Variants in FAP observed in about 807,000 individuals in gnomAD.
The protein encoded by FAP is prolyl endopeptidase FAP.
A neutral mutation model predicts 126.5 loss-of-function variants in FAP; 110 were observed. The observed-to-expected ratio is 0.87, with a 90% CI of 0.74 to 1.02. The LOEUF (loss-of-function observed/expected upper bound fraction) is 1.02. Among genes scored for constraint, FAP ranks in the 50% least tolerant of loss-of-function variants. FAP has a pLI of 0.00. For missense variants in FAP, 919 were observed against 909.2 expected (o/e 1.01, Z -0.14); for synonymous variants, 334 against 297.3 (o/e 1.12, Z -1.27).
At chr2:162,199,354 A>G (rs1688399196) in intron 15 of FAP, among the ~76,000 whole-genome samples, 2 of 152,198 alleles carry the variant, frequency 1.3e-5, no homozygotes, top group South Asian at 4.1e-4. Context: ...TGGAAATAAG[A>G]AATTACAGTT....
intron 9 of FAP, among the ~76,000 whole-genome samples, chr2:162,216,502 TA>T (rs927835032): frequency 6.6e-6 from 1 of 152,212 alleles, no homozygotes; most frequent in Non-Finnish European, 1.5e-5. Context: ...CTTGCATTAT[TA>T]CTGCCACCAT....
chr2:162,220,954 T>C (rs1689363474), intron 6 of FAP, among the ~76,000 whole-genome samples: 1 of 152,154 alleles, frequency 6.6e-6, no homozygotes, highest in South Asian at 2.1e-4. Flanking sequence ...AAAAAAGCTC[T>C]CCAACCTGGA....
intron 15 of FAP, 36 bp downstream of exon 15, chr2:162,200,530 C>T (rs1324785235): frequency 5.1e-6 from 6 of 1,184,578 alleles, no homozygotes; most frequent in Middle Eastern, 2.0e-4. Context: ...AAAATATCAA[C>T]ACATAGAAAT....
chr2:162,174,254 T>C, intron 22 of FAP, among the ~76,000 whole-genome samples: 1 of 152,122 alleles, frequency 6.6e-6, no homozygotes, highest in East Asian at 1.9e-4. Context: ...TTTTTCTTAA[T>C]CAAGATCCCC....
Position 162,242,956 on chromosome 2 carries a change from C to T in FAP, c.43G>A (p.Ala15Thr). ...VKIVFGVATS[A>T]VLALLVMCIV... ...CACATCACCAATAAGGCAAGCACAG[C>T]AGAGGTGGCAACTCCAAATACGATT... The change falls in exon 2 of 26, where the codon GCT becomes ACT. Residue 15 changes from alanine to threonine, a missense_variant. Coordinates refer to ENST00000188790, the MANE Select transcript of FAP (RefSeq NM_004460.5). 6.2e-7 allele frequency: 1 copy of T among 1,613,102 alleles called. No homozygotes were observed. The highest frequency in any genetic ancestry group is 8.5e-7 in the Non-Finnish European group (1 of 1,179,392).
chr2:162,183,931 G>T (rs955412694), intron 20 of FAP, among the ~76,000 whole-genome samples: 3 of 152,078 alleles, frequency 2.0e-5, no homozygotes, highest in African/African-American at 7.2e-5. Flanking sequence ...AGAGACATTT[G>T]AGAGAAATAT....
chr2:162,177,038 A>G (rs1687510183), intron 21 of FAP, among the ~76,000 whole-genome samples: 1 of 152,046 alleles, frequency 6.6e-6, no homozygotes, highest in Admixed American at 6.6e-5. Context: ...TATTGTAGAA[A>G]TGAAGAGGGG....
intron 17 of FAP, among the ~76,000 whole-genome samples, 162 bp from the exon 18 acceptor site, chr2:162,189,916 A>G (rs1156873008): frequency 3.3e-5 from 5 of 152,028 alleles, no homozygotes; most frequent in Non-Finnish European, 1.5e-5. Flanking sequence ...TCCAGCCTTT[A>G]GAGCAGATAT....
intron 20 of FAP, 108 bp from the exon 21 acceptor site, chr2:162,183,576 C>A: frequency 1.4e-6 from 1 of 706,536 alleles, no homozygotes; most frequent in Non-Finnish European, 2.5e-6. Context: ...GCTACATTTT[C>A]TTTGTTTAAA....
chr2:162,170,887 A>G lies in FAP; in HGVS notation c.*92T>C, dbSNP rs1687280146. The G allele has an allele frequency of 2.1e-6, 2 of 943,970 alleles. No homozygotes were observed. Among genetic ancestry groups the G allele is most frequent in the Admixed American group, 4.3e-5 (2 of 46,944 alleles). The allele number at this position is 943,970 out of a possible 1,614,324, so 58.5% of individuals were successfully genotyped here. On this transcript the variant is annotated 3_prime_UTR_variant, in exon 26 of 26. Transcript: ENST00000188790. ...CATTAATTTGTTTGTTTATACTAGC[A>G]TTTTACAACATAAAAAATAAAATAA...
At chr2:162,220,269 G>A (rs2106277742) in intron 6 of FAP, among the ~76,000 whole-genome samples, 1 of 152,278 alleles carries the variant, frequency 6.6e-6, no homozygotes, top group African/African-American at 2.4e-5. Context: ...TAAATATGAG[G>A]TTTAGAGAGC....
chr2:162,192,749 A>G (rs1195735051), intron 17 of FAP, among the ~76,000 whole-genome samples: 1 of 152,060 alleles, frequency 6.6e-6, no homozygotes, highest in Non-Finnish European at 1.5e-5. Context: ...TCATCCTCCC[A>G]AAACCTGATC....
chr2:162,207,032 C>A (rs1298810907), intron 12 of FAP, among the ~76,000 whole-genome samples: 2 of 152,150 alleles, frequency 1.3e-5, no homozygotes, highest in Non-Finnish European at 2.9e-5. Context: ...ACTAATACGA[C>A]TAGCTTGTAT....
At chr2:162,211,885 C>T (rs1055747601) in intron 11 of FAP, among the ~76,000 whole-genome samples, 3 of 152,128 alleles carry the variant, frequency 2.0e-5, no homozygotes, top group East Asian at 1.9e-4. Context: ...GGTCACTTAA[C>T]CTTAAATATT....
At chr2:162,234,960 G>A (rs1300909036) in intron 2 of FAP, among the ~76,000 whole-genome samples, 5 of 152,268 alleles carry the variant, frequency 3.3e-5, no homozygotes, top group South Asian at 2.1e-4. Flanking sequence ...CCAGCGGCCC[G>A]GGCAGTGAGG....
At chr2:162,235,590 C>T (rs1181453523) in intron 2 of FAP, among the ~76,000 whole-genome samples, 1 of 152,206 alleles carries the variant, frequency 6.6e-6, no homozygotes, top group Non-Finnish European at 1.5e-5. Context: ...ACGCACCAAT[C>T]AGCACCCTAT....
At chr2:162,183,113 G>A (rs1687747237) in intron 21 of FAP, among the ~76,000 whole-genome samples, 1 of 151,692 alleles carries the variant, frequency 6.6e-6, no homozygotes, top group Non-Finnish European at 1.5e-5. Flanking sequence ...AATAACAAAG[G>A]CAATTCACCC....
chr2:162,176,358 A>G (rs1687482224), intron 21 of FAP: 1 of 152,204 alleles, frequency 6.6e-6, no homozygotes, highest in Non-Finnish European at 1.5e-5. Context: ...GAAGACCTTT[A>G]GCTACAAAAC....
At chr2:162,217,894 C>T (rs1412527038) in intron 9 of FAP, 92 bp downstream of exon 9, 1 of 976,224 alleles carries the variant, frequency 1.0e-6, no homozygotes, top group East Asian at 2.6e-5. Flanking sequence ...AAGAAGCTCT[C>T]CAAACTTGTT....
Sources: allele counts gnomAD v4.1 joint callset (sites outside exome capture counted in the v4.1 genomes callset), GRCh38; gene constraint gnomAD v4.1.1; transcripts MANE v1.5; gene names NCBI Gene and HGNC (gene_info 2026-07-23, HGNC 2026-07-21).